The following PHF24 variants were observed in gnomAD, a reference collection of about 807,000 sequenced individuals.
PHF24 encodes the protein PHD finger protein 24.
Under a neutral mutation model 42.6 loss-of-function variants are expected in PHF24, and 25 were observed. That is an observed-to-expected ratio of 0.59 (90% confidence interval 0.43 to 0.82). The LOEUF (loss-of-function observed/expected upper bound fraction) is 0.82, where lower values mean the gene tolerates loss of function less well. PHF24 is among the 40% of genes least tolerant of loss of function. The pLI, the probability that PHF24 is intolerant of heterozygous loss-of-function variation, is 0.00. For missense variants in PHF24, 470 were observed against 538.1 expected, an observed-to-expected ratio of 0.87 and a Z score of 1.25; for synonymous variants, 185 against 204.8, an observed-to-expected ratio of 0.90 and a Z score of 0.83.
chr9:34,899,667 A>G, the PHF24 span, among the ~76,000 whole-genome samples: 2,822 of 152,248 alleles, frequency 0.019, 102 homozygotes, highest in African/African-American at 0.064. Context: ...AGGCAGCAAA[A>G]CCACCAGAGC....
chr9:34,956,874 AATGGTTT>A (rs1197369132), upstream of PHF24, among the ~76,000 whole-genome samples: 2 of 152,212 alleles, frequency 1.3e-5, no homozygotes, highest in African/African-American at 4.8e-5. Flanking sequence ...TCCATATATT[AATGGTTT>A]ATAGCCTCTC....
At chr9:34,956,258 A>G (rs368172412), upstream of PHF24, among the ~76,000 whole-genome samples, 2 of 152,090 alleles carry the variant, frequency 1.3e-5, no homozygotes, top group East Asian at 1.9e-4. Flanking sequence ...CAGATACACA[A>G]TGTACTTTTG....
chr9:34,789,058 G>A, the PHF24 span, among the ~76,000 whole-genome samples: 1 of 152,136 alleles, frequency 6.6e-6, no homozygotes, highest in African/African-American at 2.4e-5. Flanking sequence ...CCGGGCCCAC[G>A]CACGCAGACC....
At chr9:34,937,012 C>CGGGG in the PHF24 span, among the ~76,000 whole-genome samples, 1 of 62,094 alleles carries the variant, frequency 1.6e-5, no homozygotes, top group Non-Finnish European at 4.5e-5. Flanking sequence ...CCGCCCCGTC[C>CGGGG]GGGAGGGAGG....
chr9:34,915,915 C>G, the PHF24 span, among the ~76,000 whole-genome samples: 2 of 1,404 alleles, frequency 1.4e-3, no homozygotes, highest in East Asian at 9.4e-3. Context: ...GCGGTCCCCC[C>G]CCACACCACC....
the PHF24 span, among the ~76,000 whole-genome samples, chr9:34,925,437 A>G: frequency 6.6e-6 from 1 of 152,164 alleles, no homozygotes; most frequent in Non-Finnish European, 1.5e-5. Flanking sequence ...TTCATTAAAT[A>G]TATTTTCCTC....
intron 1 of PHF24, among the ~76,000 whole-genome samples, chr9:34,967,929 A>G (rs924893889): frequency 6.6e-6 from 1 of 152,294 alleles, no homozygotes; most frequent in East Asian, 1.9e-4. Flanking sequence ...TAAAGCCCAA[A>G]GCAACCAGCA....
the PHF24 span, chr9:34,728,591 G>A: frequency 1.3e-6 from 2 of 1,549,572 alleles, no homozygotes; most frequent in East Asian, 4.9e-5. Context: ...GGAGTCAGAG[G>A]AGAGATTGGG....
the PHF24 span, among the ~76,000 whole-genome samples, chr9:34,699,785 C>T: frequency 6.6e-6 from 1 of 152,226 alleles, no homozygotes. Flanking sequence ...CACTGAGATA[C>T]AGCAGTAAGC....
the PHF24 span, among the ~76,000 whole-genome samples, chr9:34,695,017 A>G: frequency 1.3e-5 from 2 of 152,238 alleles, no homozygotes; most frequent in Middle Eastern, 3.4e-3. Context: ...TGTCTTTTGT[A>G]TGCTAATGAG....
chr9:34,859,941 C>G, the PHF24 span, among the ~76,000 whole-genome samples: 1 of 152,060 alleles, frequency 6.6e-6, no homozygotes, highest in Admixed American at 6.6e-5. Flanking sequence ...ATGCATATAT[C>G]AACCAGTCAT....
At chr9:34,916,838 A>G in the PHF24 span, among the ~76,000 whole-genome samples, 1 of 152,206 alleles carries the variant, frequency 6.6e-6, no homozygotes, top group Admixed American at 6.5e-5. Flanking sequence ...ACTATTACAC[A>G]CTATGCAACT....
the PHF24 span, among the ~76,000 whole-genome samples, chr9:34,761,715 C>T: frequency 1.2e-4 from 18 of 151,948 alleles, no homozygotes; most frequent in Non-Finnish European, 2.4e-4. Context: ...TATTATTATA[C>T]GTTAAGTTTT....
chr9:34,743,845 C>T, the PHF24 span, among the ~76,000 whole-genome samples: 1 of 152,122 alleles, frequency 6.6e-6, no homozygotes, highest in South Asian at 2.1e-4. Context: ...ATTCAGTTCT[C>T]AGTTCTAGAG....
chr9:34,895,596 T>C, the PHF24 span: 4 of 398,936 alleles, frequency 1.0e-5, no homozygotes, highest in East Asian at 1.4e-4. Flanking sequence ...CAGCTCCTGT[T>C]AGGTACCAAG....
At chr9:34,759,008 C>T in the PHF24 span, among the ~76,000 whole-genome samples, 3 of 152,156 alleles carry the variant, frequency 2.0e-5, no homozygotes, top group African/African-American at 7.2e-5. Flanking sequence ...CCCCACTGCA[C>T]TCCACCGCTC....
At chr9:34,804,422 C>G in the PHF24 span, among the ~76,000 whole-genome samples, 2 of 152,140 alleles carry the variant, frequency 1.3e-5, no homozygotes, top group Admixed American at 6.5e-5. Flanking sequence ...TAAAGAACAC[C>G]GAGTAATGTT....
At chr9:34,704,504 A>G in the PHF24 span, among the ~76,000 whole-genome samples, 1 of 67,326 alleles carries the variant, frequency 1.5e-5, no homozygotes, top group Admixed American at 1.6e-4. Context: ...TGTGTATGTT[A>G]TCATTTTGTG....
chr9:34,836,253 A>G, the PHF24 span, among the ~76,000 whole-genome samples: 1 of 152,232 alleles, frequency 6.6e-6, no homozygotes, highest in East Asian at 1.9e-4. Flanking sequence ...GACTTGTTGG[A>G]CAAGGCCTCA....
Sources: allele counts gnomAD v4.1 joint callset (sites outside exome capture counted in the v4.1 genomes callset), GRCh38; gene constraint gnomAD v4.1.1; transcripts MANE v1.5; gene names NCBI Gene and HGNC (gene_info 2026-07-23, HGNC 2026-07-21).